The following USF3 variants were observed in gnomAD, a reference collection of about 807,000 sequenced individuals.
USF3 encodes basic helix-loop-helix domain-containing protein USF3.
USF3 carries 29 observed loss-of-function variants against 157.5 expected under a neutral mutation model. The ratio of observed to expected loss-of-function variants is 0.18; its 90% CI spans 0.14 to 0.25. The LOEUF is 0.25. Among genes scored for constraint, USF3 ranks in the 10% least tolerant of loss-of-function variants. The probability of loss-of-function intolerance (pLI) is 1.00; values close to 1 mark genes in which losing one functional copy is unlikely to be tolerated. For synonymous variants in USF3, 893 were observed against 941.4 expected, an observed-to-expected ratio of 0.95 and a Z score of 0.94; for missense variants, 2,381 against 2,667.6, an observed-to-expected ratio of 0.89 and a Z score of 2.37.
chr3:113,682,335 C>G (rs1192112950), intron 1 of USF3, among the ~76,000 whole-genome samples: 5 of 147,436 alleles, frequency 3.4e-5, no homozygotes, highest in African/African-American at 1.3e-4. Flanking sequence ...GCAAACAAAA[C>G]AAAAAACAAA....
intron 1 of USF3, among the ~76,000 whole-genome samples, chr3:113,682,377 T>G (rs1707454371): frequency 1.3e-5 from 2 of 151,922 alleles, no homozygotes; most frequent in Non-Finnish European, 2.9e-5. Flanking sequence ...ACTTGCTTTG[T>G]GGCCTAACAT....
chr3:113,682,255 G>A (rs928580885), intron 1 of USF3, among the ~76,000 whole-genome samples: 1 of 152,034 alleles, frequency 6.6e-6, no homozygotes, highest in Non-Finnish European at 1.5e-5. Context: ...AGCCTGGGAA[G>A]TTGAGGCTGC....
rs1273316986 is a variant in USF3 at position 113,649,809 on chromosome 3, A to G, written c.*5135T>C. ...CTTCTTATCAGCATGGACTGACTCA[A>G]TCTAAATTTGGTGTCCCCCCTCCAC... On this transcript the variant is annotated 3_prime_UTR_variant, in exon 7 of 7. Transcript: ENST00000316407. The G allele has an allele frequency of 2.8e-6, 2 of 702,874 alleles. No homozygotes were observed. The highest frequency in any genetic ancestry group is 5.2e-6 in the Non-Finnish European group (2 of 384,880). The allele number at this position is 702,874 out of a possible 1,614,324, so 43.5% of individuals were successfully genotyped here. A position where few individuals can be genotyped will look rare whatever the true frequency, so the allele number is the denominator to read the frequency against.
chr3:113,678,992 A>C (rs1297321985), intron 1 of USF3, among the ~76,000 whole-genome samples: 7 of 148,526 alleles, frequency 4.7e-5, no homozygotes, highest in African/African-American at 1.7e-4. Flanking sequence ...GGATCTCACT[A>C]TGCTGTCCAG....
At chr3:113,689,547 G>C (rs1259427541) in intron 1 of USF3, among the ~76,000 whole-genome samples, 1 of 152,140 alleles carries the variant, frequency 6.6e-6, no homozygotes, top group Non-Finnish European at 1.5e-5. Context: ...TTCCACTTTA[G>C]CACTATTTTC....
chr3:113,662,403 A>G (rs1332254786), intron 6 of USF3, among the ~76,000 whole-genome samples: 1 of 152,120 alleles, frequency 6.6e-6, no homozygotes, highest in East Asian at 1.9e-4. Context: ...AGCTGCTGGT[A>G]TATGCTCTGT....
chr3:113,692,793 G>C (rs1332975959), intron 1 of USF3, among the ~76,000 whole-genome samples: 1 of 152,202 alleles, frequency 6.6e-6, no homozygotes, highest in Admixed American at 6.5e-5. Flanking sequence ...TTCTGAAGTA[G>C]TGCAATTGTC....
At chr3:113,691,865 T>G (rs1452822566) in intron 1 of USF3, among the ~76,000 whole-genome samples, 1 of 152,202 alleles carries the variant, frequency 6.6e-6, no homozygotes, top group Admixed American at 6.5e-5. Context: ...GTTTCTGCTG[T>G]TTAAGGAATT....
At chr3:113,673,737 G>C (rs1707213442) in intron 3 of USF3, among the ~76,000 whole-genome samples, 1 of 152,232 alleles carries the variant, frequency 6.6e-6, no homozygotes, top group Admixed American at 6.5e-5. Flanking sequence ...GGTGATATCT[G>C]ATGTTTGTCC....
chr3:113,655,535 A>T lies in USF3; in HGVS notation c.6147T>A (p.Asn2049Lys). Residue 2049 changes from asparagine to lysine, a missense_variant, in exon 7 of 7, where the codon AAT becomes AAA. By Grantham distance (94) the Asn-to-Lys change is moderately conservative. Transcript: ENST00000316407. ...RFMPDSPQVP[N>K]DNSGPDQHTL... is the part of the protein sequence containing the mutation. ...TATGCTGGTCAGGACCTGAATTATC[A>T]TTAGGTACTTGTGGGCTATCAGGCA... The T allele has an allele frequency of 6.2e-7, 1 of 1,614,184 alleles. No individual in the cohort carries two copies. The highest frequency in any genetic ancestry group is 8.5e-7 in the Non-Finnish European group (1 of 1,180,010).
At position 113,659,705 on chromosome 3, in the gene USF3, T is replaced by C. The variant is rs76314203; in HGVS notation, c.1977A>G (p.Gln659=). The C allele has an allele frequency of 1.9e-6, 3 of 1,614,106 alleles. No individual in the cohort carries two copies. Among genetic ancestry groups the C allele is most frequent in the African/African-American group, 2.7e-5 (2 of 74,938 alleles). ...TQTFSVTMSN[Q]QPQTISLNGQ... is the part of the protein sequence containing the mutation. ...CATTTAAAGAAATGGTTTGAGGCTG[T>C]TGGTTTGACATGGTAACAGAAAAAG... Residue 659 remains glutamine (Q), a synonymous_variant, in exon 7 of 7, where the codon CAA becomes CAG. Coordinates refer to ENST00000316407, the MANE Select transcript of USF3 (RefSeq NM_001009899.4).
chr3:113,660,733 C>T lies in USF3; in HGVS notation c.949G>A (p.Gly317Arg). Residue 317 changes from glycine (G) to arginine (R), a missense_variant, in exon 7 of 7, where the codon GGA becomes AGA. Gly to Arg is a moderately radical substitution (Grantham distance 125, BLOSUM62 -2). Coordinates refer to ENST00000316407, the MANE Select transcript of USF3 (RefSeq NM_001009899.4). ...TGTATGCTCAGGCAGGACTTGTTTC[C>T]ATGGTGCACTTTAGTGGCAGTTGCT... ...SSATATKVHH[G>R]NKSCLSIQDF... The T allele has an allele frequency of 1.2e-6, 2 of 1,614,196 alleles. No homozygotes were observed. The highest frequency in any genetic ancestry group is 1.7e-6 in the Non-Finnish European group (2 of 1,180,038).
At position 113,668,353 on chromosome 3, in the gene USF3, C is replaced by T. The variant is rs556202216; in HGVS notation, c.159+1768G>A. On this transcript the variant is annotated intron_variant, in intron 5 of 6. Transcript: ENST00000316407. Reference sequence around the variant, plus strand: ...GACTCTCTAGCCCCCTAACTCCCATCCAGCTCCCAGAATAATAGCAACCTC... The same window carrying T: ...GACTCTCTAGCCCCCTAACTCCCATTCAGCTCCCAGAATAATAGCAACCTC... Among the ~76,000 whole-genome samples, 62 of 152,168 alleles carry T rather than the reference C, an allele frequency of 4.1e-4. No individual in the cohort carries two copies. The South Asian group carries it at 0.012, about 30-fold the overall frequency.
At chr3:113,682,103 T>A (rs530252029) in intron 1 of USF3, among the ~76,000 whole-genome samples, 1 of 152,258 alleles carries the variant, frequency 6.6e-6, no homozygotes, top group East Asian at 1.9e-4. Flanking sequence ...GTGGGAGGAC[T>A]GCTGGAGCCT....
At chr3:113,696,315 C>G (rs1257864154) in intron 1 of USF3, 55 bp downstream of exon 1, 5 of 152,254 alleles carry the variant, frequency 3.3e-5, no homozygotes, top group Non-Finnish European at 7.3e-5. Context: ...CCCCCGCAGC[C>G]CTGGCCCCCG....
At position 113,657,111 on chromosome 3, in the gene USF3, T is replaced by A; in HGVS notation, c.4571A>T (p.Lys1524Met). The part of the protein sequence containing the change: ...TLQQEVQMQK[K>M]RNLVQGTQTS... ...CTGGGTGCCCTGAACAAGATTCCTC[T>A]TTTTCTGCATCTGAACTTCCTGTTG... The change falls in exon 7 of 7, where the codon AAG becomes ATG. Residue 1524 changes from lysine to methionine, a missense_variant. Lys to Met is a moderately conservative substitution (Grantham distance 95). This residue lies in a region of USF3 where 50 missense variants were observed against 79.7 expected (regional missense o/e 0.63). Coordinates refer to ENST00000316407, the MANE Select transcript of USF3 (RefSeq NM_001009899.4). 1 of 1,614,128 alleles carries A rather than the reference T, an allele frequency of 6.2e-7. No homozygotes were observed. Among genetic ancestry groups the A allele is most frequent in the South Asian group, 1.1e-5 (1 of 91,070 alleles).
intron 1 of USF3, among the ~76,000 whole-genome samples, chr3:113,683,703 G>A (rs1445917785): frequency 2.0e-5 from 3 of 151,950 alleles, no homozygotes; most frequent in East Asian, 3.9e-4. Context: ...TCTTGACCTC[G>A]TGATTTGCCC....
rs955151933 is a variant in USF3 at position 113,682,350 on chromosome 3, C to A, written c.-134-4953G>T. On this transcript the variant is annotated intron_variant, in intron 1 of 6. Transcript: ENST00000316407. The stretch of plus-strand genomic sequence containing the variant: ...GCAAACAAAACAAAAAACAAACAAA[C>A]AAAAAAAAAAAACACCACTTGCTTT... Among the ~76,000 whole-genome samples the A allele has an allele frequency of 3.0e-3, 413 of 137,560 alleles. 2 individuals carry two copies. The highest frequency in any genetic ancestry group is 9.6e-3 in the African/African-American group (362 of 37,566). The allele number at this position is 137,560 out of a possible 152,430, so 90.2% of individuals were successfully genotyped here. A position where few individuals can be genotyped will look rare whatever the true frequency, so the allele number is the denominator to read the frequency against.
intron 1 of USF3, among the ~76,000 whole-genome samples, chr3:113,681,087 C>A (rs1240427892): frequency 6.6e-6 from 1 of 151,900 alleles, no homozygotes; most frequent in East Asian, 1.9e-4. Flanking sequence ...AGCAATTCTC[C>A]CTACCTCAGC....
Sources: allele counts gnomAD v4.1 joint callset (sites outside exome capture counted in the v4.1 genomes callset), GRCh38; gene constraint gnomAD v4.1.1; regional missense constraint gnomAD v4.1.1; transcripts MANE v1.5; gene names NCBI Gene and HGNC (gene_info 2026-07-23, HGNC 2026-07-21).